NKAIN3: variants seen among roughly 807,000 people sequenced by gnomAD.
NKAIN3 encodes the protein sodium/potassium-transporting ATPase subunit beta-1-interacting protein 3.
A neutral mutation model predicts 30.2 loss-of-function variants in NKAIN3; 25 were observed. The observed-to-expected ratio is 0.83, with a 90% CI of 0.60 to 1.16. The LOEUF (loss-of-function observed/expected upper bound fraction) is 1.16. Ranked by LOEUF, NKAIN3 falls within the 50% of genes most tolerant of loss-of-function variation. The pLI is 0.00. For missense variants in NKAIN3, 225 were observed against 254.1 expected (o/e 0.89, Z 0.78); for synonymous variants, 91 against 89.6 (o/e 1.02, Z -0.09).
In NKAIN3 at chr8:62,388,843, G is replaced by A. The variant is rs56893174; in HGVS notation, c.54+139716G>A. On this transcript the variant is annotated intron_variant, in intron 1 of 6. Transcript: ENST00000623646. ...CACCATTGGCCTCCAGGGTTTTAGT[G>A]TTTCCAGTTGTAATAAAATCTCTAG... Among the ~76,000 whole-genome samples the A allele has an allele frequency of 2.9e-3, 442 of 151,926 alleles. 2 individuals carry two copies. Among genetic ancestry groups the A allele is most frequent in the African/African-American group, 9.8e-3 (407 of 41,400 alleles).
At chr8:62,816,710 G>T (rs1489087397) in intron 4 of NKAIN3, among the ~76,000 whole-genome samples, 1 of 152,130 alleles carries the variant, frequency 6.6e-6, no homozygotes, top group Non-Finnish European at 1.5e-5. Context: ...TCAGCCCTCA[G>T]AGTGGATATG....
intron 5 of NKAIN3, among the ~76,000 whole-genome samples, chr8:62,993,823 G>T (rs62508120): frequency 0.19 from 29,609 of 152,042 alleles, 2,979 homozygotes; most frequent in East Asian, 0.4. Flanking sequence ...GGCAGATAAG[G>T]GGGTAGAAGT....
chr8:62,975,808 G>A lies in NKAIN3; in HGVS notation c.*10401G>A, dbSNP rs1175936396. 6.6e-6 allele frequency among the ~76,000 whole-genome samples: 1 copy of A among 152,166 alleles called. No individual in the cohort carries two copies. Among genetic ancestry groups the A allele is most frequent in the East Asian group, 1.9e-4 (1 of 5,196 alleles). ...GTTTAGATGTTTCCCACTTTCTCCT[G>A]TGAGCACTTAGGTCTATAAATTTCC... On this transcript the variant is annotated 3_prime_UTR_variant, in exon 7 of 7. Transcript: ENST00000623646.
chr8:62,485,925 G>T (rs574049563), intron 1 of NKAIN3, among the ~76,000 whole-genome samples: 1 of 152,168 alleles, frequency 6.6e-6, no homozygotes, highest in Non-Finnish European at 1.5e-5. Flanking sequence ...ATGGGGCGGG[G>T]CTGAGTGATG....
At chr8:62,792,598 C>T in intron 4 of NKAIN3, among the ~76,000 whole-genome samples, 1 of 13,114 alleles carries the variant, frequency 7.6e-5, no homozygotes, top group African/African-American at 2.3e-4. Flanking sequence ...TAAGACAGAC[C>T]TTCAACAGGT....
At chr8:62,516,294 C>T (rs897934683) in intron 1 of NKAIN3, among the ~76,000 whole-genome samples, 3 of 152,100 alleles carry the variant, frequency 2.0e-5, no homozygotes, top group Admixed American at 6.6e-5. Flanking sequence ...CCAATACCTT[C>T]TGCTAAACAG....
At chr8:62,746,850 C>G (rs143632173) in intron 3 of NKAIN3, 82 bp from the exon 4 acceptor site, 11 of 977,360 alleles carry the variant, frequency 1.1e-5, no homozygotes, top group Non-Finnish European at 1.4e-5. Context: ...TTCATCTACC[C>G]TGAATTCTTC....
intron 3 of NKAIN3, among the ~76,000 whole-genome samples, chr8:62,651,201 C>A (rs947920334): frequency 6.6e-6 from 1 of 151,692 alleles, no homozygotes; most frequent in Non-Finnish European, 1.5e-5. Flanking sequence ...TTTTACAGAA[C>A]AATGCTGATA....
intron 1 of NKAIN3, among the ~76,000 whole-genome samples, chr8:62,395,326 G>A (rs1412125172): frequency 1.3e-5 from 2 of 151,594 alleles, no homozygotes; most frequent in African/African-American, 4.8e-5. Flanking sequence ...TGGGGCGGCC[G>A]GGCAGAGGCG....
intron 5 of NKAIN3, among the ~76,000 whole-genome samples, chr8:62,928,014 G>C (rs956571325): frequency 6.6e-6 from 1 of 151,940 alleles, no homozygotes; most frequent in Admixed American, 6.6e-5. Context: ...GCAATAAAGG[G>C]CATATATGGA....
chr8:62,659,146 C>T (rs1586058941), intron 3 of NKAIN3, among the ~76,000 whole-genome samples: 1 of 152,302 alleles, frequency 6.6e-6, no homozygotes, highest in African/African-American at 2.4e-5. Context: ...AAATTAGTAC[C>T]ACAGTCGAGA....
intron 1 of NKAIN3, among the ~76,000 whole-genome samples, chr8:62,379,537 A>G (rs2351662): frequency 0.97 from 147,588 of 152,244 alleles, 71,594 homozygotes; most frequent in East Asian, 1. Context: ...AACCATGAGG[A>G]CATTTTCCAC....
chr8:62,904,200 G>T (rs2130841538), intron 4 of NKAIN3, among the ~76,000 whole-genome samples: 1 of 152,260 alleles, frequency 6.6e-6, no homozygotes, highest in East Asian at 1.9e-4. Flanking sequence ...ATGAGGGTTG[G>T]AACACTGCCT....
intron 5 of NKAIN3, among the ~76,000 whole-genome samples, chr8:62,995,572 A>G (rs1286684527): frequency 1.3e-5 from 2 of 152,210 alleles, no homozygotes; most frequent in Non-Finnish European, 1.5e-5. Flanking sequence ...TATATCATAA[A>G]TGTCATAGAG....
At chr8:62,987,524 C>T (rs751044116), downstream of NKAIN3, among the ~76,000 whole-genome samples, 2 of 152,100 alleles carry the variant, frequency 1.3e-5, no homozygotes, top group African/African-American at 2.4e-5. Flanking sequence ...AGCAAAGGCA[C>T]GTCTTACATA....
At chr8:62,756,289 G>T (rs1816448877) in intron 4 of NKAIN3, among the ~76,000 whole-genome samples, 1 of 152,104 alleles carries the variant, frequency 6.6e-6, no homozygotes, top group Non-Finnish European at 1.5e-5. Flanking sequence ...TCTAATTTCT[G>T]TCTCTATAGA....
In NKAIN3 at chr8:62,974,210, G is replaced by A. The variant is rs1563651362; in HGVS notation, c.*8803G>A. Among the ~76,000 whole-genome samples, 1 of 152,114 alleles carries A rather than the reference G, an allele frequency of 6.6e-6. No homozygotes were observed. Among genetic ancestry groups the A allele is most frequent in the East Asian group, 1.9e-4 (1 of 5,192 alleles). On this transcript the variant is annotated 3_prime_UTR_variant, in exon 7 of 7. Coordinates refer to ENST00000623646, the MANE Select transcript of NKAIN3 (RefSeq NM_001304533.3). ...TTCTAATTCTGTGAAGAAAATCAATGTTAGTTTGATGGGAATAGCATTGAA... is the reference window on the plus strand; with the variant it reads ...TTCTAATTCTGTGAAGAAAATCAATATTAGTTTGATGGGAATAGCATTGAA...
At chr8:62,468,495 C>T (rs1009943756) in intron 1 of NKAIN3, among the ~76,000 whole-genome samples, 3 of 152,150 alleles carry the variant, frequency 2.0e-5, no homozygotes, top group Non-Finnish European at 4.4e-5. Context: ...CCTTGAGGTC[C>T]ACCAAGCCCA....
intron 3 of NKAIN3, among the ~76,000 whole-genome samples, chr8:62,724,809 T>A (rs990500413): frequency 2.0e-5 from 3 of 152,156 alleles, no homozygotes; most frequent in African/African-American, 4.8e-5. Context: ...CCCAAAATCT[T>A]GGCTATTGTG....
Sources: allele counts gnomAD v4.1 joint callset (sites outside exome capture counted in the v4.1 genomes callset), GRCh38; gene constraint gnomAD v4.1.1; transcripts MANE v1.5; gene names NCBI Gene and HGNC (gene_info 2026-07-23, HGNC 2026-07-21).